CCNY: variants seen among roughly 807,000 people sequenced by gnomAD.
The protein encoded by CCNY is cyclin-Y.
In CCNY, 19 loss-of-function variants were observed where a neutral mutation model predicts 42.8. That is an observed-to-expected ratio of 0.44 (90% confidence interval 0.31 to 0.65). CCNY has a LOEUF of 0.65. Among genes scored for constraint, CCNY ranks in the 30% least tolerant of loss-of-function variants. The probability of loss-of-function intolerance (pLI) is 0.07; values close to 1 mark genes in which losing one functional copy is unlikely to be tolerated. For synonymous variants in CCNY, 165 were observed against 162.7 expected, an observed-to-expected ratio of 1.01 and a Z score of -0.11; for missense variants, 370 against 437.3, an observed-to-expected ratio of 0.85 and a Z score of 1.37.
chr10:35,483,567 A>G (rs1455488757), intron 2 of CCNY, 89 bp downstream of exon 2: 4 of 823,668 alleles, frequency 4.9e-6, no homozygotes, highest in South Asian at 3.1e-5. Flanking sequence ...TTAATTTTCA[A>G]TATGAAATAG....
At chr10:35,509,046 G>A (rs551103618) in intron 3 of CCNY, among the ~76,000 whole-genome samples, 11 of 152,276 alleles carry the variant, frequency 7.2e-5, no homozygotes, top group Non-Finnish European at 1.0e-4. Flanking sequence ...AGGTTCATCC[G>A]TGTATCTCAG....
intron 3 of CCNY, among the ~76,000 whole-genome samples, chr10:35,253,468 G>T (rs1719452554): frequency 6.9e-6 from 1 of 143,992 alleles, no homozygotes; most frequent in African/African-American, 2.6e-5. Context: ...GTTGTGGGGG[G>T]AGTCTCTCTT....
chr10:35,548,428 A>G (rs1395669791), intron 7 of CCNY, among the ~76,000 whole-genome samples: 1 of 151,600 alleles, frequency 6.6e-6, no homozygotes, highest in Non-Finnish European at 1.5e-5. Flanking sequence ...CCTCCCAAAT[A>G]GCTGGGATCA....
At chr10:35,263,418 G>A (rs1353082795) in intron 3 of CCNY, among the ~76,000 whole-genome samples, 1 of 150,226 alleles carries the variant, frequency 6.7e-6, no homozygotes, top group Non-Finnish European at 1.5e-5. Flanking sequence ...GCACGTGCCT[G>A]TAGTCCCAGC....
At chr10:35,440,564 A>G (rs909067944) in intron 1 of CCNY, among the ~76,000 whole-genome samples, 1 of 152,124 alleles carries the variant, frequency 6.6e-6, no homozygotes, top group Non-Finnish European at 1.5e-5. Flanking sequence ...ACTCTTTGCT[A>G]GATGTCTTCA....
chr10:35,468,868 A>G (rs1181741732), intron 1 of CCNY, among the ~76,000 whole-genome samples: 1 of 152,222 alleles, frequency 6.6e-6, no homozygotes, highest in Non-Finnish European at 1.5e-5. Flanking sequence ...GAGATTGGGC[A>G]GTTGCTCCCC....
intron 1 of CCNY, among the ~76,000 whole-genome samples, chr10:35,354,837 C>A (rs1038624349): frequency 2.5e-4 from 37 of 150,196 alleles, no homozygotes; most frequent in African/African-American, 8.3e-4. Context: ...ACTGAGGCAG[C>A]TTTCTCCTTC....
chr10:35,443,683 TAAAG>T (rs1289483176), intron 1 of CCNY, among the ~76,000 whole-genome samples: 1 of 152,240 alleles, frequency 6.6e-6, no homozygotes, highest in Non-Finnish European at 1.5e-5. Flanking sequence ...CTAGCCGTAA[TAAAG>T]AAAGGAATAT....
At chr10:35,518,070 G>C (rs1183287750) in intron 4 of CCNY, among the ~76,000 whole-genome samples, 1 of 152,146 alleles carries the variant, frequency 6.6e-6, no homozygotes, top group African/African-American at 2.4e-5. Context: ...TTCCCATCCT[G>C]GGGCAGCGGG....
intron 1 of CCNY, among the ~76,000 whole-genome samples, chr10:35,476,804 A>AT (rs1839521527): frequency 6.6e-6 from 1 of 152,100 alleles, no homozygotes; most frequent in African/African-American, 2.4e-5. Context: ...ACTGAAGGAA[A>AT]TAGAGACACA....
chr10:35,483,587 A>G, intron 2 of CCNY, 109 bp downstream of exon 2: 1 of 699,838 alleles, frequency 1.4e-6, no homozygotes, highest in Non-Finnish European at 2.5e-6. Context: ...GAGTCCCTTT[A>G]GTGACCCACA....
rs12254155 is a variant in CCNY, at chr10:35,383,059, A to G, written c.154+45852A>G. On this transcript the variant is annotated intron_variant, in intron 1 of 9. Transcript: ENST00000374704. ...CAATTGAACATGGATCGAAAACGCA[A>G]TATTTCGGGATGCAAAACCTGCGTG... 8.2e-3 allele frequency among the ~76,000 whole-genome samples: 1,254 copies of G among 152,190 alleles called. 22 individuals are homozygous for G. Among genetic ancestry groups the G allele is most frequent in the African/African-American group, 0.029 (1,195 of 41,522 alleles).
intron 1 of CCNY, among the ~76,000 whole-genome samples, chr10:35,398,795 G>GA (rs1483245774): frequency 6.6e-6 from 1 of 152,166 alleles, no homozygotes; most frequent in Non-Finnish European, 1.5e-5. Flanking sequence ...TAAAATCACT[G>GA]AAAATATGCT....
intron 4 of CCNY, among the ~76,000 whole-genome samples, chr10:35,519,952 A>G (rs1456367532): frequency 1.3e-5 from 2 of 151,180 alleles, no homozygotes; most frequent in Admixed American, 6.6e-5. Context: ...TAATTTTTGC[A>G]TTTTTTGTAG....
rs574247303 is a variant in CCNY, at chr10:35,253,168, A to G, written c.-9+2542A>G. Reference sequence around the variant, plus strand: ...TTCACATATGTACCTGTTGATGACTAGTACAATGAATACAAAGAAGTCTTC... The same window carrying G: ...TTCACATATGTACCTGTTGATGACTGGTACAATGAATACAAAGAAGTCTTC... On this transcript the variant is annotated intron_variant, in intron 3 of 11. Coordinates refer to the CCNY transcript ENST00000374706. 2.6e-4 allele frequency among the ~76,000 whole-genome samples: 39 copies of G among 152,314 alleles called. No homozygotes were observed. In the South Asian group the frequency reaches 6.6e-3, roughly 26 times the overall value.
Position 35,282,588 on chromosome 10 carries a change from G to A in CCNY, c.-9+31962G>A, listed in dbSNP as rs11010155. On this transcript the variant is annotated intron_variant, in intron 3 of 11. Transcript: ENST00000374706. ...TAAAAATACAAAAAATTAACTGGGC[G>A]TGGTGGCAGGTGCCTCCCAAGCTAC... Among the ~76,000 whole-genome samples, 95 of 151,690 alleles carry A rather than the reference G, an allele frequency of 6.3e-4. 1 individual carries two copies. In the East Asian group the frequency reaches 0.013, roughly 21 times the overall value.
intron 3 of CCNY, among the ~76,000 whole-genome samples, chr10:35,305,156 G>A (rs143885042): frequency 6.4e-4 from 98 of 152,308 alleles, no homozygotes; most frequent in African/African-American, 2.1e-3. Flanking sequence ...CCTTTTGCCC[G>A]AAGACATTTA....
chr10:35,550,971 C>CTT (rs1477439287), intron 7 of CCNY, among the ~76,000 whole-genome samples: 1 of 152,284 alleles, frequency 6.6e-6, no homozygotes, highest in South Asian at 2.1e-4. Context: ...ATGTTCACTA[C>CTT]TTATGTGGCA....
At chr10:35,531,209 C>G (rs1455668995) in intron 7 of CCNY, among the ~76,000 whole-genome samples, 2 of 152,182 alleles carry the variant, frequency 1.3e-5, no homozygotes, top group Non-Finnish European at 2.9e-5. Flanking sequence ...GAGAAATTAG[C>G]TTTGCCTGTG....
Sources: gnomAD v4.1 joint callset for allele counts (sites outside exome capture counted in the v4.1 genomes callset) on GRCh38, gnomAD v4.1.1 for gene constraint, MANE v1.5 for transcripts, NCBI Gene and HGNC (gene_info 2026-07-23, HGNC 2026-07-21) for gene names.